The following ARHGAP39 variants were observed in gnomAD, a reference collection of about 807,000 sequenced individuals.
The protein encoded by ARHGAP39 is rho GTPase-activating protein 39.
Under a neutral mutation model 106.9 loss-of-function variants are expected in ARHGAP39, and 44 were observed. The ratio of observed to expected loss-of-function variants is 0.41; its 90% CI spans 0.32 to 0.53. The LOEUF (loss-of-function observed/expected upper bound fraction) is 0.53. ARHGAP39 is among the 20% of genes least tolerant of loss of function. ARHGAP39 has a pLI of 0.21. For missense variants in ARHGAP39, 1,496 were observed against 1,577.3 expected, an observed-to-expected ratio of 0.95 and a Z score of 0.87; for synonymous variants, 768 against 693.2, an observed-to-expected ratio of 1.11 and a Z score of -1.69.
chr8:144,533,391 TGTC>T lies in ARHGAP39; in HGVS notation c.2689-69_2689-67del, dbSNP rs888293734. On this transcript the variant is annotated intron_variant, in intron 8 of 11. Coordinates refer to ENST00000377307, the MANE Select transcript of ARHGAP39 (RefSeq NM_025251.3). ...CCTCAGGACCCCCCGCCACCCCGGT[TGTC>T]TTCTTTCCCCGAACATAGGTGGGTG... 12 of 1,526,104 alleles carry T rather than the reference TGTC, an allele frequency of 7.9e-6. No homozygotes were observed. In the African/African-American group the frequency reaches 1.5e-4, roughly 19 times the overall value. 94.5% of individuals were successfully genotyped at this position (1,526,104 alleles called of 1,614,324 possible).
In ARHGAP39 at chr8:144,604,492, C is replaced by G. The variant is rs917424577; in HGVS notation, c.80+1043G>C. 6.6e-6 allele frequency among the ~76,000 whole-genome samples: 1 copy of G among 152,192 alleles called. No individual in the cohort carries two copies. The highest frequency in any genetic ancestry group is 2.4e-5 in the African/African-American group (1 of 41,434). ...TCTTGGGCTCAAGGGATCTCCTCAC[C>G]TCAGCCTCCCGAGTAGCTGAGACCA... is the stretch of plus-strand genomic sequence containing the variant. On this transcript the variant is annotated intron_variant, in intron 2 of 11. Transcript: ENST00000377307. This position sits in a 1 kb window ranked among gnomAD's most constrained non-coding sequence, Gnocchi z 4.1.
intron 1 of ARHGAP39, among the ~76,000 whole-genome samples, chr8:144,663,263 T>C (rs992391038): frequency 1.3e-5 from 2 of 152,116 alleles, no homozygotes; most frequent in Non-Finnish European, 2.9e-5. Flanking sequence ...AAAAAAAGGT[T>C]TATTTGGCTC....
rs181310412 is a variant in ARHGAP39, at chr8:144,627,098, C to T, written c.-81-21403G>A. The stretch of plus-strand genomic sequence containing the variant: ...GGATCCAGCTGTCCTGGAACCCAGC[C>T]CCTCACAAAGGAGCCAGGCCAAGGC... On this transcript the variant is annotated intron_variant, in intron 1 of 11. Transcript: ENST00000377307. 2.7e-3 allele frequency among the ~76,000 whole-genome samples: 406 copies of T among 152,346 alleles called. 3 individuals are homozygous for T. The highest frequency in any genetic ancestry group is 9.2e-3 in the African/African-American group (384 of 41,576).
At chr8:144,578,480 G>A (rs1818851116) in intron 3 of ARHGAP39, among the ~76,000 whole-genome samples, 1 of 152,078 alleles carries the variant, frequency 6.6e-6, no homozygotes, top group African/African-American at 2.4e-5. Context: ...TGCCTTCCTT[G>A]GCCTTGAAAA....
intron 4 of ARHGAP39, among the ~76,000 whole-genome samples, chr8:144,555,202 C>T (rs954643119): frequency 6.6e-6 from 1 of 152,276 alleles, no homozygotes; most frequent in Non-Finnish European, 1.5e-5. Context: ...TTAGCGCCAA[C>T]CTTCCAGACG....
intron 1 of ARHGAP39, among the ~76,000 whole-genome samples, chr8:144,617,451 C>T (rs11990472): frequency 0.03 from 4,422 of 146,376 alleles, 209 homozygotes; most frequent in African/African-American, 0.1. Flanking sequence ...GAGCACCCAG[C>T]GCCGCAAACC....
chr8:144,673,312 G>T (rs186089292), intron 1 of ARHGAP39, among the ~76,000 whole-genome samples: 167 of 152,078 alleles, frequency 1.1e-3, no homozygotes, highest in African/African-American at 3.5e-3. Context: ...CCCTCTGCGG[G>T]CATGCAGCCT....
At chr8:144,599,780 G>C (rs1208396414) in intron 2 of ARHGAP39, among the ~76,000 whole-genome samples, 2 of 152,180 alleles carry the variant, frequency 1.3e-5, no homozygotes, top group Non-Finnish European at 2.9e-5. Flanking sequence ...CGCATTCCTG[G>C]GAGACACGTG....
At position 144,647,745 on chromosome 8, in the gene ARHGAP39, G is replaced by C. The variant is rs114240012; in HGVS notation, c.-82+37941C>G. 0.023 allele frequency among the ~76,000 whole-genome samples: 3,487 copies of C among 152,354 alleles called. 71 individuals are homozygous for C. Among genetic ancestry groups the C allele is most frequent in the African/African-American group, 0.054 (2,253 of 41,572 alleles). ...GCAGAGAAAGCAAGACGCCGTGCCAGGGGAGGGCAGCTGGAAGCCATGCAT... is the reference window on the plus strand; with the variant it reads ...GCAGAGAAAGCAAGACGCCGTGCCACGGGAGGGCAGCTGGAAGCCATGCAT... On this transcript the variant is annotated intron_variant, in intron 1 of 11. Coordinates refer to ENST00000377307, the MANE Select transcript of ARHGAP39 (RefSeq NM_025251.3). The surrounding 1 kb of genome is among the most constrained non-coding windows in gnomAD (Gnocchi z 4.8).
chr8:144,576,375 C>T (rs968842223), intron 3 of ARHGAP39, among the ~76,000 whole-genome samples: 4 of 151,582 alleles, frequency 2.6e-5, no homozygotes, highest in African/African-American at 9.7e-5. Flanking sequence ...AAAAAACCTC[C>T]CACAGAGCTT....
At chr8:144,536,272 G>C (rs555756615) in intron 7 of ARHGAP39, among the ~76,000 whole-genome samples, 1 of 152,260 alleles carries the variant, frequency 6.6e-6, no homozygotes, top group East Asian at 1.9e-4. Context: ...GTGCTACTCT[G>C]CTCGGGGGCC....
chr8:144,692,220 C>T, the ARHGAP39 span, among the ~76,000 whole-genome samples: 1 of 152,310 alleles, frequency 6.6e-6, no homozygotes, highest in African/African-American at 2.4e-5. Context: ...CCTTCCCTCC[C>T]TCCCTGCCCT....
chr8:144,535,848 T>C (rs1816932915), intron 7 of ARHGAP39, among the ~76,000 whole-genome samples: 1 of 152,228 alleles, frequency 6.6e-6, no homozygotes, highest in Admixed American at 6.5e-5. Flanking sequence ...CTCTGTAGGA[T>C]GGGGACTGTG....
chr8:144,540,808 A>G (rs902720245), intron 6 of ARHGAP39, among the ~76,000 whole-genome samples: 3 of 152,222 alleles, frequency 2.0e-5, no homozygotes, highest in African/African-American at 7.2e-5. Context: ...GAAAAAAAAA[A>G]GAAATATTTA....
At chr8:144,694,883 G>A in the ARHGAP39 span, among the ~76,000 whole-genome samples, 39 of 152,266 alleles carry the variant, frequency 2.6e-4, no homozygotes, top group East Asian at 6.6e-3. Flanking sequence ...GTAGGCAGGA[G>A]TTATTGCAAC....
chr8:144,643,077 C>T (rs1210005153), intron 1 of ARHGAP39, among the ~76,000 whole-genome samples: 1 of 152,148 alleles, frequency 6.6e-6, no homozygotes, highest in African/African-American at 2.4e-5. Flanking sequence ...CCTCAGGAAG[C>T]TTCTGCTGTC....
intron 2 of ARHGAP39, among the ~76,000 whole-genome samples, chr8:144,590,614 G>A (rs1295397899): frequency 1.3e-5 from 2 of 152,174 alleles, no homozygotes; most frequent in African/African-American, 4.8e-5. Flanking sequence ...CCAGCATCAG[G>A]TGTTTACAGC....
At chr8:144,590,973 G>A (rs957050243) in intron 2 of ARHGAP39, among the ~76,000 whole-genome samples, 4 of 152,200 alleles carry the variant, frequency 2.6e-5, no homozygotes, top group Non-Finnish European at 5.9e-5. Context: ...TCCCAAAACT[G>A]GGACCTGGTC....
intron 3 of ARHGAP39, among the ~76,000 whole-genome samples, chr8:144,577,765 A>G (rs531637869): frequency 2.0e-5 from 3 of 152,346 alleles, no homozygotes; most frequent in African/African-American, 7.2e-5. Context: ...AAAAAATTCC[A>G]CTTACAACAG....
Sources: allele counts gnomAD v4.1 joint callset (sites outside exome capture counted in the v4.1 genomes callset), GRCh38; gene constraint gnomAD v4.1.1; non-coding constraint Gnocchi (gnomAD v3.1); transcripts MANE v1.5; gene names NCBI Gene and HGNC (gene_info 2026-07-23, HGNC 2026-07-21).